Variants in LRRK1 observed in about 807,000 individuals in gnomAD.
LRRK1 encodes leucine-rich repeat serine/threonine-protein kinase 1.
Under a neutral mutation model 209.1 loss-of-function variants are expected in LRRK1, and 113 were observed. The ratio of observed to expected loss-of-function variants is 0.54; its 90% CI spans 0.46 to 0.63. The LOEUF is 0.63. Ranked by LOEUF, LRRK1 falls within the 30% of genes least tolerant of loss-of-function variation. The pLI, the probability that LRRK1 is intolerant of heterozygous loss-of-function variation, is 0.00. For synonymous variants in LRRK1, 1,144 were observed against 1,099.7 expected (o/e 1.04, Z -0.80); for missense variants, 2,284 against 2,632.2 (o/e 0.87, Z 2.89).
Position 101,072,049 on chromosome 15 carries a change from G to A in LRRK1, c.*3201G>A, listed in dbSNP as rs1034041365. The A allele has an allele frequency of 7.9e-5, 12 of 152,172 alleles. No individual in the cohort carries two copies. The highest frequency in any genetic ancestry group is 1.2e-4 in the Non-Finnish European group (8 of 68,050). The allele number at this position is 152,172 out of a possible 1,614,324, so 9.4% of individuals were successfully genotyped here. A position where few individuals can be genotyped will look rare whatever the true frequency, so the allele number is the denominator to read the frequency against. On this transcript the variant is annotated 3_prime_UTR_variant, in exon 34 of 34. Coordinates refer to ENST00000388948, the MANE Select transcript of LRRK1 (RefSeq NM_024652.6). ...CAGAATTGCAAGTGGGGGTCTCCGCGGAAGCTCCTGGCAGTTTTAAGCAGG... is the reference window on the plus strand; with the variant it reads ...CAGAATTGCAAGTGGGGGTCTCCGCAGAAGCTCCTGGCAGTTTTAAGCAGG...
intron 4 of LRRK1, among the ~76,000 whole-genome samples, chr15:100,986,556 G>A (rs559964365): frequency 3.3e-5 from 5 of 152,356 alleles, no homozygotes; most frequent in South Asian, 2.1e-4. Context: ...ACAGGTGTAC[G>A]GTGTAAGAGC....
intron 9 of LRRK1, among the ~76,000 whole-genome samples, chr15:101,011,236 A>T (rs1468367341): frequency 1.3e-5 from 2 of 152,072 alleles, no homozygotes; most frequent in Admixed American, 6.6e-5. Context: ...TGGGAGGCCA[A>T]GGTAGGTGGA....
intron 2 of LRRK1, among the ~76,000 whole-genome samples, chr15:100,933,017 C>A (rs1385708674): frequency 6.6e-6 from 1 of 152,150 alleles, no homozygotes; most frequent in Non-Finnish European, 1.5e-5. Flanking sequence ...CTCCCGCCTC[C>A]CACCCAGGAC....
chr15:100,999,032 C>T (rs1241057520), intron 6 of LRRK1, among the ~76,000 whole-genome samples: 1 of 152,164 alleles, frequency 6.6e-6, no homozygotes, highest in Admixed American at 6.5e-5. Flanking sequence ...TCTTATACAG[C>T]CTGTGAGGTG....
chr15:101,008,368 G>A (rs2033072666), intron 6 of LRRK1, among the ~76,000 whole-genome samples: 1 of 152,140 alleles, frequency 6.6e-6, no homozygotes, highest in Non-Finnish European at 1.5e-5. Flanking sequence ...CGCGGTGCGG[G>A]CAGCTGCAGG....
intron 6 of LRRK1, among the ~76,000 whole-genome samples, chr15:101,006,279 G>A (rs2032945607): frequency 6.6e-6 from 1 of 151,600 alleles, no homozygotes; most frequent in Non-Finnish European, 1.5e-5. Context: ...TTCAGATTAT[G>A]GGATATTCTA....
chr15:101,043,206 C>G (rs1023961097), intron 20 of LRRK1, among the ~76,000 whole-genome samples: 1 of 152,234 alleles, frequency 6.6e-6, no homozygotes, highest in Non-Finnish European at 1.5e-5. Context: ...TTCTGGGGAG[C>G]AGGCCTGGAT....
At chr15:101,002,586 G>A (rs2032747509) in intron 6 of LRRK1, among the ~76,000 whole-genome samples, 1 of 152,150 alleles carries the variant, frequency 6.6e-6, no homozygotes, top group African/African-American at 2.4e-5. Flanking sequence ...TTCATGGATA[G>A]GATTATATAA....
chr15:100,948,617 T>C (rs2042587907), intron 2 of LRRK1, among the ~76,000 whole-genome samples: 1 of 152,230 alleles, frequency 6.6e-6, no homozygotes, highest in Admixed American at 6.5e-5. Context: ...TTAAATGTTA[T>C]GTTTGGCCAT....
intron 3 of LRRK1, among the ~76,000 whole-genome samples, chr15:100,977,187 GA>G (rs35118841): frequency 1.4e-5 from 2 of 142,710 alleles, no homozygotes; most frequent in Admixed American, 6.9e-5. Flanking sequence ...CTGGCACAGA[GA>G]AAAAAAAAAA....
intron 20 of LRRK1, among the ~76,000 whole-genome samples, chr15:101,040,171 A>G (rs2034679346): frequency 6.6e-6 from 1 of 152,174 alleles, no homozygotes; most frequent in Non-Finnish European, 1.5e-5. Flanking sequence ...GATAGAATTT[A>G]TAGCCTGGAG....
At chr15:100,990,818 G>A (rs1339656592) in intron 6 of LRRK1, among the ~76,000 whole-genome samples, 3 of 139,270 alleles carry the variant, frequency 2.2e-5, no homozygotes, top group Non-Finnish European at 4.7e-5. Context: ...GTTATCTTTT[G>A]TGATAGCAAA....
At chr15:101,012,810 T>C (rs2033330891) in intron 10 of LRRK1, among the ~76,000 whole-genome samples, 1 of 152,094 alleles carries the variant, frequency 6.6e-6, no homozygotes, top group African/African-American at 2.4e-5. Context: ...GGCTATCATG[T>C]CCTAGGCTCC....
chr15:100,953,401 A>G (rs76145955), intron 2 of LRRK1, among the ~76,000 whole-genome samples: 2,651 of 151,980 alleles, frequency 0.017, 102 homozygotes, highest in African/African-American at 0.059. Flanking sequence ...TGTCTGGCCT[A>G]TTTCACTTAG....
chr15:100,976,631 A>G lies in LRRK1; in HGVS notation c.261+2664A>G, dbSNP rs540901192. 1.8e-4 allele frequency among the ~76,000 whole-genome samples: 28 copies of G among 152,318 alleles called. No individual in the cohort carries two copies. The South Asian group carries it at 5.0e-3, about 27-fold the overall frequency. ...GAAGGCCATCTGAAAATGCTTGTCA[A>G]ATTTTCAAATTTCATTATCTTTGAC... is the stretch of plus-strand genomic sequence containing the variant. On this transcript the variant is annotated intron_variant, in intron 3 of 33. Coordinates refer to ENST00000388948, the MANE Select transcript of LRRK1 (RefSeq NM_024652.6).
chr15:100,958,357 G>A (rs2042807016), intron 2 of LRRK1, among the ~76,000 whole-genome samples: 1 of 152,186 alleles, frequency 6.6e-6, no homozygotes, highest in African/African-American at 2.4e-5. Flanking sequence ...CAGGAATATG[G>A]CTGTTTCCAC....
rs544254708 is a variant in LRRK1 at position 101,069,725 on chromosome 15, C to T, written c.*877C>T. ...CAGTAATATCTCAGCAGTCAGGCTT[C>T]TGGTTGTGAAATCACATTGTATGGG... On this transcript the variant is annotated 3_prime_UTR_variant, in exon 34 of 34. Transcript: ENST00000388948. The T allele has an allele frequency of 8.5e-5, 13 of 152,768 alleles. No individual in the cohort carries two copies. The highest frequency in any genetic ancestry group is 2.6e-4 in the African/African-American group (11 of 41,576). The allele number at this position is 152,768 out of a possible 1,614,324, so 9.5% of individuals were successfully genotyped here.
chr15:100,994,822 C>T (rs569720337), intron 6 of LRRK1, among the ~76,000 whole-genome samples: 2 of 152,148 alleles, frequency 1.3e-5, no homozygotes, highest in Admixed American at 6.5e-5. Context: ...CACATTCCTT[C>T]GGTGCTGCTG....
chr15:101,068,564 C>A, intron 33 of LRRK1, 107 bp from the exon 34 acceptor site: 1 of 1,222,322 alleles, frequency 8.2e-7, no homozygotes, highest in South Asian at 1.6e-5. Context: ...GACACACTCC[C>A]CTGCCCTTAG....
Sources: allele counts gnomAD v4.1 joint callset (sites outside exome capture counted in the v4.1 genomes callset), GRCh38; gene constraint gnomAD v4.1.1; transcripts MANE v1.5; gene names NCBI Gene and HGNC (gene_info 2026-07-23, HGNC 2026-07-21).